MTA3: variants seen among roughly 807,000 people sequenced by gnomAD.
The protein encoded by MTA3 is metastasis associated 1 family member 3, also known as metastasis-associated protein MTA3.
Under a neutral mutation model 83.5 loss-of-function variants are expected in MTA3, and 34 were observed. That is an observed-to-expected ratio of 0.41 (90% CI 0.31 to 0.54). The LOEUF (loss-of-function observed/expected upper bound fraction) is 0.54, where lower values mean the gene tolerates loss of function less well. Among genes scored for constraint, MTA3 ranks in the 20% least tolerant of loss-of-function variants. The pLI is 0.33. For synonymous variants in MTA3, 303 were observed against 252.7 expected (o/e 1.20, Z -1.89); for missense variants, 761 against 726.4 (o/e 1.05, Z -0.55).
chr2:42,655,567 A>T (rs956119148), intron 6 of MTA3, among the ~76,000 whole-genome samples: 15 of 152,188 alleles, frequency 9.9e-5, no homozygotes, highest in East Asian at 3.9e-4. Flanking sequence ...TATCATATGT[A>T]TTTATGCATA....
intron 2 of MTA3, among the ~76,000 whole-genome samples, chr2:42,514,636 G>A (rs916214928): frequency 4.1e-5 from 6 of 146,374 alleles, no homozygotes; most frequent in Non-Finnish European, 7.4e-5. Flanking sequence ...TGCCCACCTC[G>A]GGCTCCTCCC....
rs375208684 is a variant in MTA3 at position 42,643,973 on chromosome 2, C to G, written c.382-154C>G. Among the ~76,000 whole-genome samples, 18 of 152,262 alleles carry G rather than the reference C, an allele frequency of 1.2e-4. 1 individual carries two copies. The highest frequency in any genetic ancestry group is 4.3e-4 in the African/African-American group (18 of 41,536). On this transcript the variant is annotated intron_variant, in intron 5 of 16. Transcript: ENST00000405094. ...CTGTTTTACATGATGACGGTAACAC[C>G]ATGCTCTCCTTAAAGATTTATGAGT...
upstream of MTA3, among the ~76,000 whole-genome samples, chr2:42,563,984 C>T (rs1419940542): frequency 6.6e-6 from 1 of 152,038 alleles, no homozygotes; most frequent in East Asian, 1.9e-4. Flanking sequence ...CCACCACGCC[C>T]AGTTAATTTT....
At chr2:42,717,340 A>C (rs1667101409) in intron 14 of MTA3, among the ~76,000 whole-genome samples, 1 of 152,142 alleles carries the variant, frequency 6.6e-6, no homozygotes, top group South Asian at 2.1e-4. Flanking sequence ...GAAAACCTGT[A>C]GGACATTTTT....
intron 3 of MTA3, among the ~76,000 whole-genome samples, chr2:42,586,199 G>A (rs1248460552): frequency 4.0e-5 from 6 of 151,292 alleles, no homozygotes; most frequent in East Asian, 2.0e-4. Context: ...GCTTGAACCC[G>A]GAAGGTGGAG....
intron 2 of MTA3, among the ~76,000 whole-genome samples, chr2:42,526,399 CCT>C (rs1407039453): frequency 6.6e-6 from 1 of 152,114 alleles, no homozygotes; most frequent in East Asian, 1.9e-4. Flanking sequence ...CCTGGCTCTC[CCT>C]GTGTCCCACA....
chr2:42,755,148 G>A lies in MTA3; in HGVS notation c.*1749G>A. ...GGAGGAGGTGCCGCATCACGTGGAT[G>A]TTTCTTCCCTAAAGAAAAAGACACA... On this transcript the variant is annotated 3_prime_UTR_variant, in exon 17 of 17. Transcript: ENST00000405094. 3.0e-6 allele frequency: 3 copies of A among 985,434 alleles called. No individual in the cohort carries two copies. The highest frequency in any genetic ancestry group is 3.6e-6 in the Non-Finnish European group (3 of 829,962). 61.0% of individuals were successfully genotyped at this position (985,434 alleles called of 1,614,324 possible). A position where few individuals can be genotyped will look rare whatever the true frequency, so the allele number is the denominator to read the frequency against.
intron 8 of MTA3, among the ~76,000 whole-genome samples, chr2:42,675,853 C>T (rs1457333751): frequency 2.0e-5 from 3 of 152,158 alleles, no homozygotes; most frequent in Admixed American, 6.5e-5. Context: ...GATTAGACTA[C>T]GTAAAGTCCA....
rs535230950 is a variant in MTA3, at chr2:42,549,268, G to GTA, written c.-140-21168_-140-21167dup. Among the ~76,000 whole-genome samples, 16 of 107,874 alleles carry GTA rather than the reference G, an allele frequency of 1.5e-4. No homozygotes were observed. In the East Asian group the frequency reaches 3.5e-3, roughly 24 times the overall value. The allele number at this position is 107,874 out of a possible 152,430, so 70.8% of individuals were successfully genotyped here. ...ATAATATATTATATATTATATACGT[G>GTA]TACGTATATATGTAATATATAATGT... is the stretch of plus-strand genomic sequence containing the variant. On this transcript the variant is annotated intron_variant, in intron 2 of 17. Transcript: ENST00000405592.
intron 2 of MTA3, among the ~76,000 whole-genome samples, chr2:42,552,920 A>T (rs1307122515): frequency 1.3e-5 from 2 of 151,632 alleles, no homozygotes; most frequent in African/African-American, 4.9e-5. Flanking sequence ...ACTCCCCTCC[A>T]GCCTGGGCGA....
intron 6 of MTA3, among the ~76,000 whole-genome samples, chr2:42,650,387 A>G (rs1305844409): frequency 6.6e-6 from 1 of 152,120 alleles, no homozygotes; most frequent in African/African-American, 2.4e-5. Context: ...ATAAATGATT[A>G]TATGGTCTGG....
chr2:42,576,725 C>G (rs988727489), intron 2 of MTA3, among the ~76,000 whole-genome samples: 3 of 152,138 alleles, frequency 2.0e-5, no homozygotes, highest in African/African-American at 7.2e-5. Flanking sequence ...TGGTGAAACC[C>G]TGTCTCTACT....
At chr2:42,542,089 T>G (rs1272787619) in intron 2 of MTA3, among the ~76,000 whole-genome samples, 3 of 152,216 alleles carry the variant, frequency 2.0e-5, no homozygotes, top group African/African-American at 7.2e-5. Context: ...TTATTCTGCT[T>G]TCTTTGCAAA....
At position 42,583,639 on chromosome 2, in the gene MTA3, A is replaced by G. The variant is rs1186657532; in HGVS notation, c.190+4439A>G. 2.0e-5 allele frequency among the ~76,000 whole-genome samples: 3 copies of G among 151,624 alleles called. No homozygotes were observed. In the South Asian group the frequency reaches 6.2e-4, roughly 32 times the overall value. On this transcript the variant is annotated intron_variant, in intron 3 of 16. Coordinates refer to ENST00000405094, the MANE Select transcript of MTA3 (RefSeq NM_001330442.2). ...GCCTTCCCTGGTTCAAGCAATTCTCATGCCTCAGCCTCCCGAATAGCTGAG... is the reference window on the plus strand; with the variant it reads ...GCCTTCCCTGGTTCAAGCAATTCTCGTGCCTCAGCCTCCCGAATAGCTGAG...
intron 16 of MTA3, among the ~76,000 whole-genome samples, chr2:42,723,924 A>G (rs1449377674): frequency 6.6e-6 from 1 of 152,196 alleles, no homozygotes; most frequent in Non-Finnish European, 1.5e-5. Flanking sequence ...GATGTTCATA[A>G]TAATGTCAAA....
chr2:42,720,975 GAAAA>G (rs1402653005), intron 15 of MTA3, among the ~76,000 whole-genome samples: 3 of 114,322 alleles, frequency 2.6e-5, no homozygotes, highest in African/African-American at 6.8e-5. Flanking sequence ...AAAAAAAAAA[GAAAA>G]GAAAAGAAAA....
At chr2:42,660,403 A>ATTT (rs1689579590) in intron 8 of MTA3, among the ~76,000 whole-genome samples, 2 of 152,148 alleles carry the variant, frequency 1.3e-5, no homozygotes, top group African/African-American at 4.8e-5. Context: ...GCTATTTTCT[A>ATTT]TATAATTTTA....
chr2:42,525,367 T>C (rs1250137753), intron 2 of MTA3, among the ~76,000 whole-genome samples: 1 of 151,840 alleles, frequency 6.6e-6, no homozygotes, highest in Non-Finnish European at 1.5e-5. Flanking sequence ...GCCTGGCTGA[T>C]TTTTTGTATT....
intron 6 of MTA3, among the ~76,000 whole-genome samples, chr2:42,644,639 C>T (rs1465100931): frequency 1.3e-5 from 2 of 152,130 alleles, no homozygotes; most frequent in Admixed American, 1.3e-4. Flanking sequence ...TTGAGTAAGT[C>T]ATTTGGTGCC....
Sources: allele counts gnomAD v4.1 joint callset (sites outside exome capture counted in the v4.1 genomes callset), GRCh38; gene constraint gnomAD v4.1.1; transcripts MANE v1.5; gene names NCBI Gene and HGNC (gene_info 2026-07-23, HGNC 2026-07-21).